Variants in BCAM observed in about 807,000 individuals in gnomAD.
BCAM encodes basal cell adhesion molecule (Lutheran blood group).
In BCAM, 61 loss-of-function variants were observed where a neutral mutation model predicts 72.4. The ratio of observed to expected loss-of-function variants is 0.84; its 90% CI spans 0.69 to 1.04. The LOEUF (loss-of-function observed/expected upper bound fraction) is 1.04, where lower values mean the gene tolerates loss of function less well. Ranked by LOEUF, BCAM falls within the 50% of genes least tolerant of loss-of-function variation. The probability of loss-of-function intolerance (pLI) is 0.00; values close to 1 mark genes in which losing one functional copy is unlikely to be tolerated. For missense variants in BCAM, 909 were observed against 895.0 expected (o/e 1.02, Z -0.20); for synonymous variants, 408 against 384.2 (o/e 1.06, Z -0.73).
Position 44,814,577 on chromosome 19 carries a change from C to T in BCAM, c.922-27C>T. The T allele has an allele frequency of 1.2e-6, 2 of 1,605,064 alleles. No homozygotes were observed. Among genetic ancestry groups the T allele is most frequent in the Non-Finnish European group, 1.7e-6 (2 of 1,173,788 alleles). ...CCGCTGAACCGGGGTGGCTTCTGAG[C>T]CTGGTTCCTCGTCCCCCGTCTCCCA... On this transcript the variant is annotated intron_variant, in intron 7 of 14. Transcript: ENST00000270233. This position sits in a 1 kb window ranked among gnomAD's most constrained non-coding sequence, Gnocchi z 4.6.
chr19:44,814,014 C>A lies in BCAM; in HGVS notation c.785-138C>A. ...CTCTGGCACTCAGAATAATTGTGAA[C>A]CTGAGGCTTGAAACCTATGACCCGT... On this transcript the variant is annotated intron_variant, in intron 6 of 14. Transcript: ENST00000270233. The surrounding 1 kb of genome is among the most constrained non-coding windows in gnomAD (Gnocchi z 4.6). The A allele has an allele frequency of 8.8e-7, 1 of 1,140,050 alleles. No homozygotes were observed. The highest frequency in any genetic ancestry group is 1.2e-6 in the Non-Finnish European group (1 of 819,596). The allele number at this position is 1,140,050 out of a possible 1,614,324, so 70.6% of individuals were successfully genotyped here. A position where few individuals can be genotyped will look rare whatever the true frequency, so the allele number is the denominator to read the frequency against.
chr19:44,814,526 C>G lies in BCAM; in HGVS notation c.922-78C>G. ...GATTCTGGCTTAGCATGACACTAAC[C>G]TGGTGGCTTCTGACCTAGCATGAGC... On this transcript the variant is annotated intron_variant, in intron 7 of 14. Transcript: ENST00000270233. The surrounding 1 kb of genome is among the most constrained non-coding windows in gnomAD (Gnocchi z 4.6). 6.4e-7 allele frequency: 1 copy of G among 1,552,434 alleles called. No homozygotes were observed. Among genetic ancestry groups the G allele is most frequent in the South Asian group, 1.2e-5 (1 of 81,836 alleles).
upstream of BCAM, chr19:44,809,102 C>G (rs955471532): frequency 1.4e-6 from 2 of 1,411,132 alleles, no homozygotes; most frequent in East Asian, 3.1e-5. Context: ...AGCCCGGGCT[C>G]AGTCTCCGCC....
In BCAM at chr19:44,812,327, C is replaced by T. The variant is rs370155324; in HGVS notation, c.369C>T (p.Tyr123=). 1.6e-5 allele frequency: 26 copies of T among 1,612,986 alleles called. No homozygotes were observed. Among genetic ancestry groups the T allele is most frequent in the Non-Finnish European group, 1.9e-5 (22 of 1,179,420 alleles). ...AEAQVGDERD[Y]VCVVRAGAAG... Reference sequence around the variant, plus strand: ...CCCAGGTGGGCGACGAGCGAGACTACGTGTGCGTGGTGAGGGCAGGGGCGG... The same window carrying T: ...CCCAGGTGGGCGACGAGCGAGACTATGTGTGCGTGGTGAGGGCAGGGGCGG... The change falls in exon 3 of 15, where the codon TAC becomes TAT. Residue 123 remains tyrosine (Y), a synonymous_variant. Transcript: ENST00000270233. This position sits in a 1 kb window ranked among gnomAD's most constrained non-coding sequence, Gnocchi z 5.3.
In BCAM at chr19:44,810,101, C is replaced by A. The variant is rs180693645; in HGVS notation, c.82+895C>A. On this transcript the variant is annotated intron_variant, in intron 1 of 14. Coordinates refer to ENST00000270233, the MANE Select transcript of BCAM (RefSeq NM_005581.5). ...TGGGTCCCCAGGGGTAGGGCTGGGC[C>A]AGATTGAGCAGAGAAGGGAAGGGAG... is the stretch of plus-strand genomic sequence containing the variant. 1.6e-3 allele frequency among the ~76,000 whole-genome samples: 238 copies of A among 152,166 alleles called. 2 individuals carry two copies. The highest frequency in any genetic ancestry group is 5.7e-3 in the African/African-American group (236 of 41,504).
At position 44,812,862 on chromosome 19, in the gene BCAM, A is replaced by C; in HGVS notation, c.504+314A>C. On this transcript the variant is annotated intron_variant, in intron 4 of 14. Transcript: ENST00000270233. This position sits in a 1 kb window ranked among gnomAD's most constrained non-coding sequence, Gnocchi z 5.3. ...CTGCTCGGGAGGCTGAGACAGGAGA[A>C]TCACTCGAACCCAGAAGGCAGAGGC... is the stretch of plus-strand genomic sequence containing the variant. The C allele has an allele frequency of 2.3e-6, 1 of 436,486 alleles. No individual in the cohort carries two copies. The highest frequency in any genetic ancestry group is 4.1e-6 in the Non-Finnish European group (1 of 243,044). 27.0% of individuals were successfully genotyped at this position (436,486 alleles called of 1,614,324 possible).
Position 44,814,710 on chromosome 19 carries a change from ACG to A in BCAM, c.1031_1032del (p.Ala344GlyfsTer3). ...TATGGCTGCAGAGTGGAGGATTACGACGCGGCAGATGACGTGCAGCTCTCCAA... is the reference window on the plus strand; with the variant it reads ...TATGGCTGCAGAGTGGAGGATTACGACGGCAGATGACGTGCAGCTCTCCAA... On this transcript the variant is annotated frameshift_variant, in exon 8 of 15. Transcript: ENST00000270233. LOFTEE classifies it high-confidence loss of function. The surrounding 1 kb of genome is among the most constrained non-coding windows in gnomAD (Gnocchi z 4.6). The A allele has an allele frequency of 6.2e-7, 1 of 1,613,852 alleles. No homozygotes were observed. Among genetic ancestry groups the A allele is most frequent in the Non-Finnish European group, 8.5e-7 (1 of 1,179,992 alleles).
rs569793445 is a variant in BCAM, at chr19:44,814,052, G to A, written c.785-100G>A. The A allele has an allele frequency of 1.1e-5, 15 of 1,414,926 alleles. No individual in the cohort carries two copies. The highest frequency in any genetic ancestry group is 5.8e-5 in the South Asian group (4 of 69,364). 87.6% of individuals were successfully genotyped at this position (1,414,926 alleles called of 1,614,324 possible). A position where few individuals can be genotyped will look rare whatever the true frequency, so the allele number is the denominator to read the frequency against. On this transcript the variant is annotated intron_variant, in intron 6 of 14. Transcript: ENST00000270233. The surrounding 1 kb of genome is among the most constrained non-coding windows in gnomAD (Gnocchi z 4.6). ...ACCTATGACCCGTAACCTTTGACCC[G>A]CCATAGCCCTCACCTGGGATGCAGG...
At chr19:44,819,017 C>A in intron 10 of BCAM, 39 bp from the exon 11 acceptor site, 1 of 1,609,240 alleles carries the variant, frequency 6.2e-7, no homozygotes, top group South Asian at 1.1e-5. Context: ...CTCTCTCTCT[C>A]CTCTCCCTTC....
At chr19:44,809,508 C>T (rs1398070635) in intron 1 of BCAM, among the ~76,000 whole-genome samples, 1 of 152,108 alleles carries the variant, frequency 6.6e-6, no homozygotes. Context: ...GGAATCTGGG[C>T]CCCCAGCCCC....
intron 8 of BCAM, among the ~76,000 whole-genome samples, chr19:44,816,999 A>ATCCC: frequency 6.6e-6 from 1 of 151,990 alleles, no homozygotes; most frequent in Non-Finnish European, 1.5e-5. Flanking sequence ...CACTTTTGGG[A>ATCCC]GGCAGAGGCG....
chr19:44,818,532 C>T lies in BCAM; in HGVS notation c.1089C>T (p.Pro363=), dbSNP rs1369874626. 1 of 1,613,880 alleles carries T rather than the reference C, an allele frequency of 6.2e-7. No homozygotes were observed. Among genetic ancestry groups the T allele is most frequent in the Non-Finnish European group, 8.5e-7 (1 of 1,179,900 alleles). The change falls in exon 9 of 15, where the codon CCC becomes CCT. Residue 363 remains proline (P), a synonymous_variant. Transcript: ENST00000270233. The surrounding 1 kb of genome is among the most constrained non-coding windows in gnomAD (Gnocchi z 4.6). Reference sequence around the variant, plus strand: ...TGTCCCCCACTGCAGATCTGGACCCCCTGGAGCTCAGCGAGGGGAAGGTGC... The same window carrying T: ...TGTCCCCCACTGCAGATCTGGACCCTCTGGAGCTCAGCGAGGGGAAGGTGC... ...TLELRVAYLD[P]LELSEGKVLS... is the part of the protein sequence containing the mutation.
chr19:44,809,267 G>A, intron 1 of BCAM, 61 bp downstream of exon 1: 1 of 1,333,908 alleles, frequency 7.5e-7, no homozygotes, highest in Non-Finnish European at 9.7e-7. Context: ...CCCCGGGAAA[G>A]CGAGGAGAAA....
At chr19:44,817,549 GT>G (rs561653969) in intron 8 of BCAM, among the ~76,000 whole-genome samples, 193 of 142,040 alleles carry the variant, frequency 1.4e-3, no homozygotes, top group East Asian at 4.1e-3. Context: ...GGTTTTTTTT[GT>G]TTTTTTTTTT....
rs937403612 is a variant in BCAM, at chr19:44,813,570, A to T, written c.734A>T (p.Glu245Val). 4 of 1,612,428 alleles carry T rather than the reference A, an allele frequency of 2.5e-6. No homozygotes were observed. Among genetic ancestry groups the T allele is most frequent in the Non-Finnish European group, 3.4e-6 (4 of 1,179,880 alleles). Reference protein sequence around the residue: ...FHCAAHYSLPEGRHGRLDSPT... With the variant: ...FHCAAHYSLPVGRHGRLDSPT... Reference sequence around the variant, plus strand: ...TGCGCCGCCCACTACAGCCTGCCCGAGGGCCGCCACGGCCGCCTGGACAGC... The same window carrying T: ...TGCGCCGCCCACTACAGCCTGCCCGTGGGCCGCCACGGCCGCCTGGACAGC... The change falls in exon 6 of 15, where the codon GAG becomes GTG. Residue 245 changes from glutamate to valine, a missense_variant. Glu to Val is a moderately radical substitution (Grantham distance 121). Coordinates refer to ENST00000270233, the MANE Select transcript of BCAM (RefSeq NM_005581.5). This position sits in a 1 kb window ranked among gnomAD's most constrained non-coding sequence, Gnocchi z 4.2.
At chr19:44,809,468 G>T (rs1456980047) in intron 1 of BCAM, among the ~76,000 whole-genome samples, 1 of 151,972 alleles carries the variant, frequency 6.6e-6, no homozygotes, top group African/African-American at 2.4e-5. Context: ...CCTGGAATCT[G>T]GGTCCCACCT....
intron 8 of BCAM, among the ~76,000 whole-genome samples, chr19:44,815,897 C>T (rs1968497976): frequency 6.6e-6 from 1 of 152,008 alleles, no homozygotes; most frequent in South Asian, 2.1e-4. Flanking sequence ...CCTGTAGTCC[C>T]AGCTACTCGG....
rs1224283500 is a variant in BCAM at position 44,813,635 on chromosome 19, G to T, written c.784+15G>T. 1 of 1,606,832 alleles carries T rather than the reference G, an allele frequency of 6.2e-7. No individual in the cohort carries two copies. Among genetic ancestry groups the T allele is most frequent in the South Asian group, 1.1e-5 (1 of 90,622 alleles). On this transcript the variant is annotated intron_variant, in intron 6 of 14. Transcript: ENST00000270233. The surrounding 1 kb of genome is among the most constrained non-coding windows in gnomAD (Gnocchi z 4.2). ...CACCCTGCACTGTGAGTCTGTGCTG[G>T]CCTTTGACCTCTGACCTCAGGCTCC...
chr19:44,820,385 C>G (rs1968568458), intron 13 of BCAM: 2 of 1,138,058 alleles, frequency 1.8e-6, no homozygotes, highest in Non-Finnish European at 2.2e-6. Context: ...CCAAGCTCCT[C>G]CTCATCTAAC....
Sources: allele counts gnomAD v4.1 joint callset (sites outside exome capture counted in the v4.1 genomes callset), GRCh38; gene constraint gnomAD v4.1.1; non-coding constraint Gnocchi (gnomAD v3.1); transcripts MANE v1.5; gene names NCBI Gene and HGNC (gene_info 2026-07-23, HGNC 2026-07-21).